The following ST6GALNAC3 variants were observed in gnomAD, a reference collection of about 807,000 sequenced individuals.
ST6GALNAC3 encodes the protein ST6 N-acetylgalactosaminide alpha-2,6-sialyltransferase 3.
Under a neutral mutation model 32.7 loss-of-function variants are expected in ST6GALNAC3, and 25 were observed. The ratio of observed to expected loss-of-function variants is 0.76; its 90% confidence interval spans 0.56 to 1.07. The LOEUF is 1.07. Ranked by LOEUF, ST6GALNAC3 falls within the 50% of genes least tolerant of loss-of-function variation. The pLI, the probability that ST6GALNAC3 is intolerant of heterozygous loss-of-function variation, is 0.00. For missense variants in ST6GALNAC3, 355 were observed against 382.4 expected, an observed-to-expected ratio of 0.93 and a Z score of 0.60; for synonymous variants, 129 against 133.1, an observed-to-expected ratio of 0.97 and a Z score of 0.21.
At position 76,191,034 on chromosome 1, in the gene ST6GALNAC3, G is replaced by A. The variant is rs74090165; in HGVS notation, c.18+116150G>A. ...TGAACCAGAAACTGCATTTTACCAT[G>A]ATCCTCAGATAATCTGTCTGCACAT... On this transcript the variant is annotated intron_variant, in intron 1 of 4. Coordinates refer to ENST00000328299, the MANE Select transcript of ST6GALNAC3 (RefSeq NM_152996.4). Among the ~76,000 whole-genome samples, 1,507 of 152,278 alleles carry A rather than the reference G, an allele frequency of 9.9e-3. 27 individuals are homozygous for A. Among genetic ancestry groups the A allele is most frequent in the African/African-American group, 0.035 (1,439 of 41,548 alleles).
chr1:76,500,110 T>C (rs868200672), intron 3 of ST6GALNAC3, among the ~76,000 whole-genome samples: 3 of 152,206 alleles, frequency 2.0e-5, no homozygotes, highest in Non-Finnish European at 4.4e-5. Context: ...GAATGTTTAC[T>C]TATATTTAAT....
chr1:76,406,126 G>C (rs981773729), intron 2 of ST6GALNAC3, among the ~76,000 whole-genome samples: 1 of 152,010 alleles, frequency 6.6e-6, no homozygotes, highest in Non-Finnish European at 1.5e-5. Flanking sequence ...TGTGAACATA[G>C]TACCCCAGTC....
intron 3 of ST6GALNAC3, among the ~76,000 whole-genome samples, chr1:76,442,888 G>C (rs555197155): frequency 6.6e-6 from 1 of 152,308 alleles, no homozygotes; most frequent in Non-Finnish European, 1.5e-5. Context: ...GCTGGATACA[G>C]CCCTCATTTT....
intron 1 of ST6GALNAC3, among the ~76,000 whole-genome samples, chr1:76,263,583 C>A (rs1227352857): frequency 6.6e-6 from 1 of 152,096 alleles, no homozygotes; most frequent in Non-Finnish European, 1.5e-5. Flanking sequence ...ATATTGAAGA[C>A]CTGGGAAAGT....
At position 76,629,283 on chromosome 1, in the gene ST6GALNAC3, G is replaced by C. The variant is rs1649171795; in HGVS notation, c.*477G>C. On this transcript the variant is annotated 3_prime_UTR_variant, in exon 5 of 5. Transcript: ENST00000328299. ...CACTGACCCAAGAACTGCTATCAGG[G>C]TGCAAGTATCTTACTACTTAGCCTA... is the stretch of plus-strand genomic sequence containing the variant. 4.0e-6 allele frequency: 4 copies of C among 988,284 alleles called. No homozygotes were observed. Among genetic ancestry groups the C allele is most frequent in the Non-Finnish European group, 4.8e-6 (4 of 832,134 alleles). 61.2% of individuals were successfully genotyped at this position (988,284 alleles called of 1,614,324 possible).
chr1:76,350,854 CT>C (rs1442266620), intron 2 of ST6GALNAC3, among the ~76,000 whole-genome samples: 1 of 152,112 alleles, frequency 6.6e-6, no homozygotes, highest in African/African-American at 2.4e-5. Context: ...CATTATAATT[CT>C]GATATATGAT....
At chr1:76,588,900 A>G (rs1189193751) in intron 3 of ST6GALNAC3, among the ~76,000 whole-genome samples, 1 of 152,144 alleles carries the variant, frequency 6.6e-6, no homozygotes, top group Non-Finnish European at 1.5e-5. Context: ...TCCTGTTCTT[A>G]TATATCTTTG....
At chr1:76,130,542 C>T (rs1192456150) in intron 1 of ST6GALNAC3, among the ~76,000 whole-genome samples, 1 of 152,200 alleles carries the variant, frequency 6.6e-6, no homozygotes, top group African/African-American at 2.4e-5. Flanking sequence ...GGCAGGGTGG[C>T]CACCTGCTCA....
At chr1:76,295,396 T>C (rs1013911243) in intron 1 of ST6GALNAC3, among the ~76,000 whole-genome samples, 3 of 152,008 alleles carry the variant, frequency 2.0e-5, no homozygotes, top group Admixed American at 6.6e-5. Context: ...AAAGGCAGGG[T>C]GTTAGAATCT....
At chr1:76,272,717 T>C (rs1658921585) in intron 1 of ST6GALNAC3, among the ~76,000 whole-genome samples, 1 of 152,222 alleles carries the variant, frequency 6.6e-6, no homozygotes, top group Non-Finnish European at 1.5e-5. Context: ...TTGTGAGCCC[T>C]TGGCTGTCCC....
At chr1:76,400,594 G>A (rs931853184) in intron 2 of ST6GALNAC3, among the ~76,000 whole-genome samples, 3 of 152,142 alleles carry the variant, frequency 2.0e-5, no homozygotes, top group African/African-American at 7.2e-5. Flanking sequence ...CTCTTAGAAA[G>A]TGTAATGTTA....
At position 76,092,061 on chromosome 1, in the gene ST6GALNAC3, C is replaced by G. The variant is rs571923546; in HGVS notation, c.18+17177C>G. On this transcript the variant is annotated intron_variant, in intron 1 of 4. Transcript: ENST00000328299. ...TTCAGTTTTGACTGATGTCAACCTC[C>G]GTGCTCTTAACCCCAGCTCTGTCCA... Among the ~76,000 whole-genome samples the G allele has an allele frequency of 5.3e-5, 8 of 152,318 alleles. No homozygotes were observed. The East Asian group carries it at 1.5e-3, about 29-fold the overall frequency.
intron 3 of ST6GALNAC3, among the ~76,000 whole-genome samples, chr1:76,520,793 T>C (rs1436811934): frequency 1.3e-5 from 2 of 152,322 alleles, no homozygotes; most frequent in East Asian, 3.9e-4. Flanking sequence ...AATATAGCCA[T>C]ACCAGTTTTA....
intron 1 of ST6GALNAC3, among the ~76,000 whole-genome samples, chr1:76,135,886 G>A (rs1649916609): frequency 6.6e-6 from 1 of 152,138 alleles, no homozygotes; most frequent in African/African-American, 2.4e-5. Flanking sequence ...TGTGTTGTGG[G>A]TAAGGAGCCC....
intron 2 of ST6GALNAC3, among the ~76,000 whole-genome samples, chr1:76,373,485 A>G (rs901306521): frequency 3.9e-5 from 6 of 152,168 alleles, no homozygotes; most frequent in Admixed American, 1.3e-4. Context: ...GAAGATTCCC[A>G]AGGACAGAAG....
At chr1:76,489,050 G>A (rs945940513) in intron 3 of ST6GALNAC3, among the ~76,000 whole-genome samples, 2 of 152,112 alleles carry the variant, frequency 1.3e-5, no homozygotes, top group African/African-American at 4.8e-5. Flanking sequence ...GTGAAGACAG[G>A]AGCTGCATCA....
chr1:76,502,245 A>G (rs561976275), intron 3 of ST6GALNAC3, among the ~76,000 whole-genome samples: 1 of 152,330 alleles, frequency 6.6e-6, no homozygotes, highest in Non-Finnish European at 1.5e-5. Context: ...ATTAGCAAGA[A>G]AAGGTGATGT....
At chr1:76,152,751 G>T (rs1487130772) in intron 1 of ST6GALNAC3, among the ~76,000 whole-genome samples, 1 of 152,114 alleles carries the variant, frequency 6.6e-6, no homozygotes, top group Non-Finnish European at 1.5e-5. Context: ...ACACCATTTT[G>T]ACCGTTGGGC....
At chr1:76,340,382 C>A (rs1647859356) in intron 2 of ST6GALNAC3, among the ~76,000 whole-genome samples, 1 of 152,218 alleles carries the variant, frequency 6.6e-6, no homozygotes, top group African/African-American at 2.4e-5. Flanking sequence ...GCAGGGACAT[C>A]ATTGCTGCTG....
Sources: gnomAD v4.1 joint callset for allele counts (sites outside exome capture counted in the v4.1 genomes callset) on GRCh38, gnomAD v4.1.1 for gene constraint, MANE v1.5 for transcripts, NCBI Gene and HGNC (gene_info 2026-07-23, HGNC 2026-07-21) for gene names.